ST6GALNAC3: variants seen among roughly 807,000 people sequenced by gnomAD.
ST6GALNAC3 encodes the protein ST6 N-acetylgalactosaminide alpha-2,6-sialyltransferase 3.
A neutral mutation model predicts 32.7 loss-of-function variants in ST6GALNAC3; 25 were observed. That is an observed-to-expected ratio of 0.76 (90% CI 0.56 to 1.07). The LOEUF (loss-of-function observed/expected upper bound fraction) is 1.07, where lower values mean the gene tolerates loss of function less well. ST6GALNAC3 is among the 50% of genes least tolerant of loss of function. The pLI is 0.00. For synonymous variants in ST6GALNAC3, 129 were observed against 133.1 expected, an observed-to-expected ratio of 0.97 and a Z score of 0.21; for missense variants, 355 against 382.4, an observed-to-expected ratio of 0.93 and a Z score of 0.60.
chr1:76,319,411 G>C (rs1464369629), intron 2 of ST6GALNAC3, among the ~76,000 whole-genome samples: 1 of 152,038 alleles, frequency 6.6e-6, no homozygotes, highest in Admixed American at 6.6e-5. Flanking sequence ...TGACAGACAG[G>C]CCACACTAGC....
intron 3 of ST6GALNAC3, among the ~76,000 whole-genome samples, chr1:76,625,838 T>A (rs1648934532): frequency 6.6e-6 from 1 of 151,896 alleles, no homozygotes; most frequent in Non-Finnish European, 1.5e-5. Context: ...CTCACTGTGA[T>A]CTAGTTTCTG....
chr1:76,167,860 A>T (rs1282256407), intron 1 of ST6GALNAC3, among the ~76,000 whole-genome samples: 1 of 151,802 alleles, frequency 6.6e-6, no homozygotes, highest in East Asian at 1.9e-4. Context: ...GATTGTGTTT[A>T]TTGGAATCTT....
At chr1:76,250,017 T>C (rs1036690970) in intron 1 of ST6GALNAC3, among the ~76,000 whole-genome samples, 3 of 152,178 alleles carry the variant, frequency 2.0e-5, no homozygotes, top group African/African-American at 7.2e-5. Context: ...TTATCAGATA[T>C]ATGATTTGCA....
chr1:76,162,577 T>A (rs1221915198), intron 1 of ST6GALNAC3, among the ~76,000 whole-genome samples: 1 of 152,196 alleles, frequency 6.6e-6, no homozygotes, highest in African/African-American at 2.4e-5. Context: ...AGTGAGGGTT[T>A]AAATGAGATA....
intron 3 of ST6GALNAC3, among the ~76,000 whole-genome samples, chr1:76,596,179 G>T (rs138965254): frequency 1.3e-5 from 2 of 152,068 alleles, no homozygotes; most frequent in Admixed American, 1.3e-4. Flanking sequence ...AAAACTCTTC[G>T]ACCTCCTGCT....
chr1:76,259,223 A>C (rs2100722759), intron 1 of ST6GALNAC3, among the ~76,000 whole-genome samples: 1 of 152,312 alleles, frequency 6.6e-6, no homozygotes, highest in East Asian at 1.9e-4. Flanking sequence ...GCTTACAAAA[A>C]ATCAAAAGGA....
chr1:76,401,868 A>G (rs1002745320), intron 2 of ST6GALNAC3, among the ~76,000 whole-genome samples: 11 of 152,122 alleles, frequency 7.2e-5, no homozygotes, highest in Admixed American at 3.9e-4. Flanking sequence ...TCTGATTTCT[A>G]TTCTTCTAGG....
chr1:76,381,519 G>A (rs1651713571), intron 2 of ST6GALNAC3, among the ~76,000 whole-genome samples: 1 of 152,108 alleles, frequency 6.6e-6, no homozygotes, highest in African/African-American at 2.4e-5. Flanking sequence ...CACAGACCTT[G>A]TAGTCATGAA....
At chr1:76,156,743 T>G (rs1189420272) in intron 1 of ST6GALNAC3, among the ~76,000 whole-genome samples, 2 of 152,156 alleles carry the variant, frequency 1.3e-5, no homozygotes, top group Non-Finnish European at 2.9e-5. Flanking sequence ...GCCCTGGCCT[T>G]TTTTTTGAGA....
intron 1 of ST6GALNAC3, among the ~76,000 whole-genome samples, chr1:76,271,967 C>T (rs911726252): frequency 6.6e-6 from 1 of 152,018 alleles, no homozygotes; most frequent in Non-Finnish European, 1.5e-5. Context: ...GTAGGTAGCA[C>T]AAGGGAGTGA....
intron 2 of ST6GALNAC3, among the ~76,000 whole-genome samples, chr1:76,315,081 G>A (rs1646840105): frequency 6.7e-6 from 1 of 149,630 alleles, no homozygotes; most frequent in Non-Finnish European, 1.5e-5. Context: ...GAATTTTATA[G>A]TTGAAAAAAA....
chr1:76,236,439 ATTAT>A (rs1656665757), intron 1 of ST6GALNAC3, among the ~76,000 whole-genome samples: 1 of 152,188 alleles, frequency 6.6e-6, no homozygotes, highest in African/African-American at 2.4e-5. Flanking sequence ...GTTTGCTCTA[ATTAT>A]TATTAGTAAG....
At chr1:76,376,741 T>C (rs1651267789) in intron 2 of ST6GALNAC3, among the ~76,000 whole-genome samples, 1 of 152,212 alleles carries the variant, frequency 6.6e-6, no homozygotes, top group Admixed American at 6.5e-5. Context: ...GAAGTAATTA[T>C]TGATATGCTA....
intron 3 of ST6GALNAC3, among the ~76,000 whole-genome samples, chr1:76,533,629 A>C (rs988336611): frequency 3.9e-5 from 6 of 152,124 alleles, no homozygotes; most frequent in African/African-American, 1.4e-4. Flanking sequence ...CTCCAGGCAG[A>C]ACAGGTCTCT....
At chr1:76,352,808 G>T (rs1173962829) in intron 2 of ST6GALNAC3, among the ~76,000 whole-genome samples, 1 of 151,868 alleles carries the variant, frequency 6.6e-6, no homozygotes, top group African/African-American at 2.4e-5. Context: ...CCTATAAATG[G>T]TATTGCCATT....
intron 1 of ST6GALNAC3, among the ~76,000 whole-genome samples, chr1:76,104,029 G>A (rs1647357640): frequency 6.6e-6 from 1 of 152,082 alleles, no homozygotes; most frequent in Non-Finnish European, 1.5e-5. Flanking sequence ...ATTGTACGTT[G>A]AAATTCTCAA....
At chr1:76,162,223 A>G (rs1421134241) in intron 1 of ST6GALNAC3, among the ~76,000 whole-genome samples, 1 of 152,220 alleles carries the variant, frequency 6.6e-6, no homozygotes, top group East Asian at 1.9e-4. Context: ...TATTGTGAGA[A>G]TAAATAAGAT....
chr1:76,401,444 A>G (rs1008507974), intron 2 of ST6GALNAC3, among the ~76,000 whole-genome samples: 60 of 152,322 alleles, frequency 3.9e-4, no homozygotes, highest in Middle Eastern at 3.4e-3. Context: ...CTCATTGAAC[A>G]TCGTAAACAT....
chr1:76,448,634 T>G (rs943404278), intron 3 of ST6GALNAC3, among the ~76,000 whole-genome samples: 3 of 152,178 alleles, frequency 2.0e-5, no homozygotes, highest in African/African-American at 7.2e-5. Flanking sequence ...TGGTTTCCCA[T>G]GCTGTTCTGG....
Sources: gnomAD v4.1 joint callset for allele counts (sites outside exome capture counted in the v4.1 genomes callset) on GRCh38, gnomAD v4.1.1 for gene constraint, MANE v1.5 for transcripts, NCBI Gene and HGNC (gene_info 2026-07-23, HGNC 2026-07-21) for gene names.